Variants in NR1I2 observed in about 807,000 individuals in gnomAD.
The protein encoded by NR1I2 is nuclear receptor subfamily 1 group I member 2.
Under a neutral mutation model 43.3 loss-of-function variants are expected in NR1I2, and 42 were observed. That is an observed-to-expected ratio of 0.97 (90% CI 0.76 to 1.26). NR1I2 has a LOEUF of 1.26. NR1I2 is among the 50% of genes most tolerant of loss of function. The pLI is 0.00. For missense variants in NR1I2, 559 were observed against 566.7 expected, an observed-to-expected ratio of 0.99 and a Z score of 0.14; for synonymous variants, 229 against 215.0, an observed-to-expected ratio of 1.06 and a Z score of -0.57.
At chr3:119,802,340 A>C (rs541306942) in intron 1 of NR1I2, among the ~76,000 whole-genome samples, 1 of 152,364 alleles carries the variant, frequency 6.6e-6, no homozygotes, top group South Asian at 2.1e-4. Flanking sequence ...TGTAAATTAG[A>C]CATGATTTAA....
chr3:119,783,470 G>A (rs1265422677), intron 1 of NR1I2, among the ~76,000 whole-genome samples: 1 of 152,054 alleles, frequency 6.6e-6, no homozygotes, highest in Non-Finnish European at 1.5e-5. Flanking sequence ...TTGCGAAAGA[G>A]ACAGTATGGC....
intron 3 of NR1I2, chr3:119,810,557 A>C (rs2107972976): frequency 3.5e-6 from 1 of 286,072 alleles, no homozygotes; most frequent in African/African-American, 2.2e-5. Flanking sequence ...GGGGGAGGGA[A>C]GCAGGAGCCA....
chr3:119,787,013 C>T (rs2054851162), intron 1 of NR1I2, among the ~76,000 whole-genome samples: 1 of 152,126 alleles, frequency 6.6e-6, no homozygotes, highest in African/African-American at 2.4e-5. Context: ...TCTGGCCAGG[C>T]ATGGTGGATC....
chr3:119,815,725 G>C lies in NR1I2; in HGVS notation c.1055-1G>C, dbSNP rs1413241103. On this transcript the variant is annotated splice_acceptor_variant, in intron 7 of 8. Transcript: ENST00000393716. LOFTEE classifies it high-confidence loss of function. ...TTGCACCACACCTCCCTCCCCTCCA[G>C]ACCGCCCAGGTGTGCTGCAGCACCG... The C allele has an allele frequency of 6.2e-7, 1 of 1,612,130 alleles. No homozygotes were observed. The highest frequency in any genetic ancestry group is 8.5e-7 in the Non-Finnish European group (1 of 1,179,160).
intron 1 of NR1I2, among the ~76,000 whole-genome samples, chr3:119,792,984 C>A (rs778109980): frequency 2.0e-5 from 3 of 151,996 alleles, no homozygotes; most frequent in African/African-American, 7.3e-5. Context: ...GGTTTGGTAC[C>A]CTCGGTAATG....
In NR1I2 at chr3:119,818,384, TTATA is replaced by T; in HGVS notation, c.*1175_*1178del. The T allele has an allele frequency of 1.0e-6, 1 of 985,272 alleles. No individual in the cohort carries two copies. Among genetic ancestry groups the T allele is most frequent in the Non-Finnish European group, 1.2e-6 (1 of 829,800 alleles). 61.0% of individuals were successfully genotyped at this position (985,272 alleles called of 1,614,324 possible). On this transcript the variant is annotated 3_prime_UTR_variant, in exon 9 of 9. Transcript: ENST00000393716. ...TTTTTGCATTTTCACAAATTATACTTTATATAAGGCATTCCACACCTAAGAACTA... is the reference window on the plus strand; with the variant it reads ...TTTTTGCATTTTCACAAATTATACTTTAAGGCATTCCACACCTAAGAACTA...
chr3:119,816,561 C>T (rs72967103), intron 8 of NR1I2, among the ~76,000 whole-genome samples: 1,788 of 152,260 alleles, frequency 0.012, 31 homozygotes, highest in African/African-American at 0.041. Context: ...TGGCTCACAC[C>T]TATAATCCCA....
chr3:119,808,311 C>A (rs980874191), intron 2 of NR1I2, among the ~76,000 whole-genome samples: 2 of 152,186 alleles, frequency 1.3e-5, no homozygotes. Context: ...GTGCTGGGGC[C>A]CCAGGCAGGA....
intron 5 of NR1I2, among the ~76,000 whole-genome samples, chr3:119,814,598 G>A (rs2055291189): frequency 1.3e-5 from 2 of 152,188 alleles, no homozygotes. Flanking sequence ...ATATACTAAA[G>A]GGGAAGTCAT....
At chr3:119,801,076 T>A (rs1339753745) in intron 1 of NR1I2, among the ~76,000 whole-genome samples, 4 of 152,232 alleles carry the variant, frequency 2.6e-5, no homozygotes, top group Admixed American at 6.5e-5. Flanking sequence ...GGGCTGTGTG[T>A]GCTCAGTGCA....
At chr3:119,784,734 A>T (rs1171486602) in intron 1 of NR1I2, among the ~76,000 whole-genome samples, 2 of 152,178 alleles carry the variant, frequency 1.3e-5, no homozygotes, top group Admixed American at 1.3e-4. Flanking sequence ...ATTTATTGAA[A>T]AGTCCATCTT....
chr3:119,786,717 C>T (rs2054847814), intron 1 of NR1I2, among the ~76,000 whole-genome samples: 1 of 152,138 alleles, frequency 6.6e-6, no homozygotes, highest in African/African-American at 2.4e-5. Context: ...TGACCAAGTC[C>T]CAGGAAGCAT....
chr3:119,789,596 C>A (rs56967099), intron 1 of NR1I2, among the ~76,000 whole-genome samples: 44,822 of 152,136 alleles, frequency 0.29, 7,038 homozygotes, highest in East Asian at 0.47. Context: ...GCTACAATTC[C>A]AGATGAGATT....
intron 1 of NR1I2, among the ~76,000 whole-genome samples, chr3:119,789,006 G>T (rs2054882538): frequency 6.6e-6 from 1 of 152,170 alleles, no homozygotes; most frequent in Non-Finnish European, 1.5e-5. Flanking sequence ...TACTGAATGG[G>T]AATTTGCATT....
At position 119,817,869 on chromosome 3, in the gene NR1I2, A is replaced by T; in HGVS notation, c.*657A>T. 1 of 989,568 alleles carries T rather than the reference A, an allele frequency of 1.0e-6. No homozygotes were observed. Among genetic ancestry groups the T allele is most frequent in the Non-Finnish European group, 1.2e-6 (1 of 832,020 alleles). The allele number at this position is 989,568 out of a possible 1,614,324, so 61.3% of individuals were successfully genotyped here. On this transcript the variant is annotated 3_prime_UTR_variant, in exon 9 of 9. Transcript: ENST00000393716. ...CATCCATTTGAACACATTATTAAGCACCGATAATAGGTAGCCTGCTGTGGG... is the reference window on the plus strand; with the variant it reads ...CATCCATTTGAACACATTATTAAGCTCCGATAATAGGTAGCCTGCTGTGGG...
chr3:119,811,740 C>T lies in NR1I2; in HGVS notation c.519+14C>T, dbSNP rs771722551. ...AAGAATTTCCGGGTAGGAGGAACTG[C>T]ACAGTGACCCGAGGTGTCACTGCCA... On this transcript the variant is annotated intron_variant, in intron 4 of 8. Transcript: ENST00000393716. 4 of 1,594,628 alleles carry T rather than the reference C, an allele frequency of 2.5e-6. No individual in the cohort carries two copies. The highest frequency in any genetic ancestry group is 3.4e-6 in the Non-Finnish European group (4 of 1,169,424).
At chr3:119,802,403 C>T (rs947148356) in intron 1 of NR1I2, among the ~76,000 whole-genome samples, 5 of 152,110 alleles carry the variant, frequency 3.3e-5, no homozygotes, top group Admixed American at 1.3e-4. Flanking sequence ...CTTCTTGGTC[C>T]ATGTCACCTG....
intron 5 of NR1I2, 86 bp downstream of exon 5, chr3:119,813,046 T>C: frequency 7.0e-7 from 1 of 1,418,822 alleles, no homozygotes; most frequent in Non-Finnish European, 9.8e-7. Context: ...GATCCTGAAT[T>C]TGGGGGATAT....
chr3:119,817,518 G>A lies in NR1I2; in HGVS notation c.*306G>A. 8.0e-7 allele frequency: 1 copy of A among 1,252,236 alleles called. No individual in the cohort carries two copies. The highest frequency in any genetic ancestry group is 1.5e-5 in the African/African-American group (1 of 65,168). The allele number at this position is 1,252,236 out of a possible 1,614,324, so 77.6% of individuals were successfully genotyped here. ...TTCCTTTTAAAAGGCCCTGTGGTCTGGGGAGAAATCCCTCAGATCCCACTA... is the reference window on the plus strand; with the variant it reads ...TTCCTTTTAAAAGGCCCTGTGGTCTAGGGAGAAATCCCTCAGATCCCACTA... On this transcript the variant is annotated 3_prime_UTR_variant, in exon 9 of 9. Transcript: ENST00000393716.
Sources: allele counts gnomAD v4.1 joint callset (sites outside exome capture counted in the v4.1 genomes callset), GRCh38; gene constraint gnomAD v4.1.1; transcripts MANE v1.5; gene names NCBI Gene and HGNC (gene_info 2026-07-23, HGNC 2026-07-21).